The following DBI variants were observed in gnomAD, a reference collection of about 807,000 sequenced individuals.
DBI encodes acyl-CoA-binding protein.
DBI carries 12 observed loss-of-function variants against 13.0 expected under a neutral mutation model. The observed-to-expected ratio is 0.92, with a 90% CI of 0.59 to 1.49. The LOEUF is 1.49. Among genes scored for constraint, DBI ranks in the 40% most tolerant of loss-of-function variants. The probability of loss-of-function intolerance (pLI) is 0.00; values close to 1 mark genes in which losing one functional copy is unlikely to be tolerated. For missense variants in DBI, 95 were observed against 104.8 expected (o/e 0.91, Z 0.41); for synonymous variants, 37 against 37.4 (o/e 0.99, Z 0.04).
intron 2 of DBI, chr2:119,370,443 T>A (rs375462458): frequency 1.9e-5 from 4 of 213,518 alleles, no homozygotes; most frequent in African/African-American, 7.0e-5. Flanking sequence ...ATTTTTTTTT[T>A]AATTGTAATT....
intron 3 of DBI, 35 bp from the exon 4 acceptor site, chr2:119,372,210 C>T (rs1159758455): frequency 6.4e-7 from 1 of 1,551,812 alleles, no homozygotes; most frequent in Non-Finnish European, 8.9e-7. Flanking sequence ...TACCATGCTA[C>T]CTCCCTGACA....
intron 1 of DBI, chr2:119,367,298 G>A (rs949556960): frequency 1.4e-6 from 2 of 1,436,964 alleles, no homozygotes; most frequent in African/African-American, 2.9e-5. Flanking sequence ...GGTGGACTTC[G>A]CTGTGTAGCG....
intron 2 of DBI, among the ~76,000 whole-genome samples, chr2:119,369,015 C>T (rs1681309910): frequency 6.6e-6 from 1 of 152,200 alleles, no homozygotes; most frequent in South Asian, 2.1e-4. Flanking sequence ...CGAGCATGGT[C>T]CCTATTTCCG....
chr2:119,368,474 T>C, intron 2 of DBI, 169 bp downstream of exon 2: 1 of 612,700 alleles, frequency 1.6e-6, no homozygotes, highest in Non-Finnish European at 2.9e-6. Context: ...ATTCTCAGTG[T>C]CTCCAGTAGT....
At chr2:119,368,066 G>T in intron 1 of DBI, 122 bp from the exon 2 acceptor site, 1 of 1,506,244 alleles carries the variant, frequency 6.6e-7, no homozygotes, top group Non-Finnish European at 9.2e-7. Context: ...TGCATTGCCC[G>T]AAGGGTGCCA....
chr2:119,367,542 C>A lies in DBI; in HGVS notation c.9+482C>A, dbSNP rs111527847. Reference sequence around the variant, plus strand: ...GCCCGGGGAGAGGTGACCCAGGGGCCCCTCCCTTCTCTCCAGTGTAGACCC... The same window carrying A: ...GCCCGGGGAGAGGTGACCCAGGGGCACCTCCCTTCTCTCCAGTGTAGACCC... On this transcript the variant is annotated intron_variant, in intron 1 of 3. Transcript: ENST00000355857. 1.3e-3 allele frequency: 2,061 copies of A among 1,609,220 alleles called. 10 individuals are homozygous for A. The highest frequency in any genetic ancestry group is 0.011 in the African/African-American group (818 of 74,914).
chr2:119,370,575 A>G (rs991914299), intron 2 of DBI, 165 bp from the exon 3 acceptor site: 3 of 483,236 alleles, frequency 6.2e-6, no homozygotes, highest in East Asian at 3.3e-5. Flanking sequence ...ATTGGCATAC[A>G]TTGGTTTTCT....
chr2:119,367,793 C>G lies in DBI; in HGVS notation c.10-395C>G, dbSNP rs192522428. ...TCAGGCCAGGGCTTCGCTGCAGCCC[C>G]GGCCACTCCCTAGTGCCTGGCCCGG... On this transcript the variant is annotated intron_variant, in intron 1 of 3. Transcript: ENST00000355857. 968 of 1,610,874 alleles carry G rather than the reference C, an allele frequency of 6.0e-4. 4 individuals are homozygous for G. In the African/African-American group the frequency reaches 0.012, roughly 19 times the overall value.
Position 119,372,374 on chromosome 2 carries a change from G to GT in DBI, c.*63dup. The GT allele has an allele frequency of 2.2e-6, 3 of 1,360,362 alleles. No homozygotes were observed. The highest frequency in any genetic ancestry group is 3.2e-6 in the Non-Finnish European group (3 of 950,598). 84.3% of individuals were successfully genotyped at this position (1,360,362 alleles called of 1,614,324 possible). ...TTATCCTAAACTGAGACAATGCCTT[G>GT]TTTTTTTCTAATACCGTGGATGGTG... is the stretch of plus-strand genomic sequence containing the variant. On this transcript the variant is annotated 3_prime_UTR_variant, in exon 4 of 4. Coordinates refer to ENST00000355857, the MANE Select transcript of DBI (RefSeq NM_001079862.4).
chr2:119,372,370 C>A lies in DBI; in HGVS notation c.*52C>A. 7.1e-7 allele frequency: 1 copy of A among 1,411,430 alleles called. No homozygotes were observed. The highest frequency in any genetic ancestry group is 1.0e-6 in the Non-Finnish European group (1 of 996,986). The allele number at this position is 1,411,430 out of a possible 1,614,324, so 87.4% of individuals were successfully genotyped here. A position where few individuals can be genotyped will look rare whatever the true frequency, so the allele number is the denominator to read the frequency against. On this transcript the variant is annotated 3_prime_UTR_variant, in exon 4 of 4. Coordinates refer to ENST00000355857, the MANE Select transcript of DBI (RefSeq NM_001079862.4). ...GTGTTTATCCTAAACTGAGACAATG[C>A]CTTGTTTTTTTCTAATACCGTGGAT...
intron 1 of DBI, chr2:119,367,592 G>A: frequency 6.2e-7 from 1 of 1,614,094 alleles, no homozygotes; most frequent in Non-Finnish European, 8.5e-7. Flanking sequence ...GCTATGTGGG[G>A]CGACCTCTGG....
rs915394669 is a variant in DBI at position 119,368,021 on chromosome 2, G to T, written c.10-167G>T. ...GTTGCTGAATCTTTCTAGCTGCCCTGTTGGGGCAGGGAGGGGCAGACACAC... is the reference window on the plus strand; with the variant it reads ...GTTGCTGAATCTTTCTAGCTGCCCTTTTGGGGCAGGGAGGGGCAGACACAC... On this transcript the variant is annotated intron_variant, in intron 1 of 3. Coordinates refer to ENST00000355857, the MANE Select transcript of DBI (RefSeq NM_001079862.4). 3.0e-5 allele frequency: 48 copies of T among 1,579,300 alleles called. No homozygotes were observed. In the Admixed American group the frequency reaches 7.5e-4, roughly 25 times the overall value.
chr2:119,370,921 C>A (rs1681471174), intron 3 of DBI, 119 bp downstream of exon 3: 2 of 867,654 alleles, frequency 2.3e-6, no homozygotes, highest in East Asian at 2.8e-5. Context: ...GGGAAACCAG[C>A]CTGACCTGTG....
At chr2:119,367,125 C>A in intron 1 of DBI, 65 bp downstream of exon 1, 2 of 1,605,392 alleles carry the variant, frequency 1.2e-6, no homozygotes, top group Non-Finnish European at 1.7e-6. Flanking sequence ...GGGGCTCAGC[C>A]GGCTGCCAGA....
Position 119,372,479 on chromosome 2 carries a change from G to A in DBI, c.*161G>A, listed in dbSNP as rs111839647. The A allele has an allele frequency of 1.2e-4, 62 of 535,476 alleles. No individual in the cohort carries two copies. Among genetic ancestry groups the A allele is most frequent in the South Asian group, 8.5e-4 (34 of 40,228 alleles). The allele number at this position is 535,476 out of a possible 1,614,324, so 33.2% of individuals were successfully genotyped here. A position where few individuals can be genotyped will look rare whatever the true frequency, so the allele number is the denominator to read the frequency against. On this transcript the variant is annotated 3_prime_UTR_variant, in exon 4 of 4. Transcript: ENST00000355857. ...GCTCTAACAGATTAGGGGCTAAAAC[G>A]ATTACTGACTTTCCTTGAGTAGTTT...
At chr2:119,369,156 G>A (rs912065150) in intron 2 of DBI, among the ~76,000 whole-genome samples, 10 of 152,226 alleles carry the variant, frequency 6.6e-5, no homozygotes, top group African/African-American at 2.4e-4. Context: ...GCACTTAGTT[G>A]AAGAAGGTCT....
At chr2:119,369,693 G>A (rs990729434) in intron 2 of DBI, among the ~76,000 whole-genome samples, 3 of 152,184 alleles carry the variant, frequency 2.0e-5, no homozygotes, top group Non-Finnish European at 2.9e-5. Flanking sequence ...GGCTGAGGCA[G>A]GAGAATCGCT....
rs189603397 is a variant in DBI, at chr2:119,367,895, C to T, written c.10-293C>T. The stretch of plus-strand genomic sequence containing the variant: ...TGGGGGCGAAGGCTTGGCCTGCCCT[C>T]TTCACTGCTGTATTTCCAGACCTGA... On this transcript the variant is annotated intron_variant, in intron 1 of 3. Transcript: ENST00000355857. 232 of 1,614,244 alleles carry T rather than the reference C, an allele frequency of 1.4e-4. No individual in the cohort carries two copies. The African/African-American group carries it at 2.5e-3, about 17-fold the overall frequency.
chr2:119,367,364 G>A (rs2104675490), intron 1 of DBI: 1 of 1,448,570 alleles, frequency 6.9e-7, no homozygotes, highest in Non-Finnish European at 9.1e-7. Flanking sequence ...GGGGTTGCAC[G>A]GATTGGAGGA....
Sources: allele counts gnomAD v4.1 joint callset (sites outside exome capture counted in the v4.1 genomes callset), GRCh38; gene constraint gnomAD v4.1.1; transcripts MANE v1.5; gene names NCBI Gene and HGNC (gene_info 2026-07-23, HGNC 2026-07-21).